LARGE1: variants seen among roughly 807,000 people sequenced by gnomAD.
The protein encoded by LARGE1 is LARGE xylosyl- and glucuronyltransferase 1.
LARGE1 carries 43 observed loss-of-function variants against 87.6 expected under a neutral mutation model. The observed-to-expected ratio is 0.49, with a 90% CI of 0.38 to 0.63. The LOEUF is 0.63. Ranked by LOEUF, LARGE1 falls within the 30% of genes least tolerant of loss-of-function variation. LARGE1 has a pLI of 0.00. For synonymous variants in LARGE1, 434 were observed against 394.6 expected (o/e 1.10, Z -1.18); for missense variants, 802 against 1,000.2 (o/e 0.80, Z 2.67).
chr22:33,682,950 CAAT>C (rs1402843472), intron 2 of LARGE1, among the ~76,000 whole-genome samples: 2 of 152,172 alleles, frequency 1.3e-5, no homozygotes, highest in Admixed American at 6.5e-5. Context: ...GTAATGAAAA[CAAT>C]GATGATGGCA....
At chr22:33,915,638 A>G (rs987044934) in intron 1 of LARGE1, among the ~76,000 whole-genome samples, 7 of 152,214 alleles carry the variant, frequency 4.6e-5, no homozygotes, top group African/African-American at 9.6e-5. Flanking sequence ...GGACAAAAGA[A>G]AAAATTTTCT....
chr22:33,503,512 T>C (rs527833023), intron 6 of LARGE1, among the ~76,000 whole-genome samples: 5 of 152,210 alleles, frequency 3.3e-5, no homozygotes, highest in African/African-American at 7.2e-5. Context: ...GCAAAAACTT[T>C]TATGTGAGTG....
intron 8 of LARGE1, among the ~76,000 whole-genome samples, chr22:33,382,897 C>T (rs1464134209): frequency 1.3e-5 from 2 of 152,116 alleles, no homozygotes; most frequent in Non-Finnish European, 2.9e-5. Flanking sequence ...ATTCATTATA[C>T]TCTATCTCAT....
chr22:33,759,731 C>T lies in LARGE1; in HGVS notation c.106+1640G>A, dbSNP rs17734827. Among the ~76,000 whole-genome samples the T allele has an allele frequency of 8.3e-3, 1,264 of 152,270 alleles. 10 individuals are homozygous for T. Among genetic ancestry groups the T allele is most frequent in the Non-Finnish European group, 0.016 (1,065 of 68,022 alleles). On this transcript the variant is annotated intron_variant, in intron 2 of 14. Transcript: ENST00000397394. ...ACCTATACTAGCACGGGTGGTACCT[C>T]TAACTTCTTTTATAAAAAGGGCTTT... is the stretch of plus-strand genomic sequence containing the variant.
chr22:33,667,255 T>C (rs904498556), intron 2 of LARGE1, among the ~76,000 whole-genome samples: 3 of 152,222 alleles, frequency 2.0e-5, no homozygotes, highest in Admixed American at 6.5e-5. Flanking sequence ...TTTTTCCATC[T>C]TTGCACCTGT....
intron 9 of LARGE1, among the ~76,000 whole-genome samples, chr22:33,364,150 G>A (rs372474045): frequency 1.4e-4 from 22 of 152,042 alleles, no homozygotes; most frequent in Middle Eastern, 3.4e-3. Context: ...CGCCCCCCGG[G>A]TTCACGCCAT....
chr22:33,333,842 G>GGTGCA (rs1186137844), intron 10 of LARGE1, among the ~76,000 whole-genome samples: 2 of 152,120 alleles, frequency 1.3e-5, no homozygotes, highest in African/African-American at 4.8e-5. Context: ...ACAGGGGCTG[G>GGTGCA]GTGCAGTGGC....
Position 33,799,317 on chromosome 22 carries a change from G to A in LARGE1, c.-82-37759C>T, listed in dbSNP as rs144147476. 4.6e-3 allele frequency among the ~76,000 whole-genome samples: 696 copies of A among 152,234 alleles called. 3 individuals are homozygous for A. The highest frequency in any genetic ancestry group is 0.015 in the African/African-American group (638 of 41,546). ...TCAGTTAAGCAGCATTTCTGGAGCC[G>A]GGCTATGACCAGGCACTGCTGCTGA... On this transcript the variant is annotated intron_variant, in intron 1 of 14. Transcript: ENST00000397394.
chr22:33,156,139 G>A, the LARGE1 span, among the ~76,000 whole-genome samples: 1 of 152,224 alleles, frequency 6.6e-6, no homozygotes, highest in Non-Finnish European at 1.5e-5. Flanking sequence ...TGCTAGGGCA[G>A]TGTGGAAGGG....
At chr22:33,867,307 T>C (rs1445227067) in intron 1 of LARGE1, among the ~76,000 whole-genome samples, 5 of 152,180 alleles carry the variant, frequency 3.3e-5, no homozygotes, top group African/African-American at 4.8e-5. Context: ...GGGATAAACA[T>C]GGCCTTTGCA....
chr22:33,732,745 G>A (rs76519794), intron 2 of LARGE1: 8,283 of 152,286 alleles, frequency 0.054, 267 homozygotes, highest in Non-Finnish European at 0.081. Context: ...TGGAATCTCT[G>A]CATCCAGAAG....
chr22:33,191,826 A>G (rs181034517), intron 11 of LARGE1, among the ~76,000 whole-genome samples: 91 of 152,262 alleles, frequency 6.0e-4, no homozygotes, highest in Non-Finnish European at 9.7e-4. Flanking sequence ...TTAAAATTGA[A>G]CAGAACCAAC....
At chr22:33,247,498 C>T (rs1031777049) in intron 11 of LARGE1, among the ~76,000 whole-genome samples, 1 of 152,176 alleles carries the variant, frequency 6.6e-6, no homozygotes, top group African/African-American at 2.4e-5. Context: ...AATGCTGCCA[C>T]AGATCACGTA....
At chr22:33,769,894 C>A (rs1044913283) in intron 1 of LARGE1, among the ~76,000 whole-genome samples, 3 of 152,224 alleles carry the variant, frequency 2.0e-5, no homozygotes, top group African/African-American at 4.8e-5. Context: ...GGCTCACTAT[C>A]GTCCTCCCTG....
exon 12 of LARGE1, chr22:33,166,269 G>A (rs1184153750): frequency 6.5e-6 from 1 of 153,988 alleles, no homozygotes; most frequent in Non-Finnish European, 1.4e-5. Context: ...CCTTTGCAGT[G>A]AAGCTGAGGG....
chr22:33,337,872 C>T (rs1410348439), intron 9 of LARGE1, 71 bp from the exon 10 acceptor site: 2 of 1,506,572 alleles, frequency 1.3e-6, no homozygotes, highest in Non-Finnish European at 9.2e-7. Context: ...CTGTAGGAAG[C>T]CATGGCTCAG....
At chr22:33,332,719 C>T (rs8139519) in intron 10 of LARGE1, among the ~76,000 whole-genome samples, 19,212 of 152,000 alleles carry the variant, frequency 0.13, 2,993 homozygotes, top group African/African-American at 0.37. Flanking sequence ...ACACTTGACG[C>T]GCTGCGGAAG....
chr22:33,645,615 C>T (rs1431546141), intron 3 of LARGE1, among the ~76,000 whole-genome samples: 1 of 152,178 alleles, frequency 6.6e-6, no homozygotes, highest in Non-Finnish European at 1.5e-5. Context: ...AACTAAAGAG[C>T]TTCTGCACAG....
intron 4 of LARGE1, among the ~76,000 whole-genome samples, chr22:33,619,317 G>T (rs1048818938): frequency 6.6e-6 from 1 of 152,150 alleles, no homozygotes; most frequent in African/African-American, 2.4e-5. Flanking sequence ...CACTCTGGGA[G>T]GCTAAGGCAG....
Sources: allele counts gnomAD v4.1 joint callset (sites outside exome capture counted in the v4.1 genomes callset), GRCh38; gene constraint gnomAD v4.1.1; transcripts MANE v1.5; gene names NCBI Gene and HGNC (gene_info 2026-07-23, HGNC 2026-07-21).